The following EPB41L3 variants were observed in gnomAD, a reference collection of about 807,000 sequenced individuals.
The protein encoded by EPB41L3 is band 4.1-like protein 3.
A neutral mutation model predicts 127.1 loss-of-function variants in EPB41L3; 57 were observed. The ratio of observed to expected loss-of-function variants is 0.45; its 90% confidence interval spans 0.36 to 0.56. EPB41L3 has a LOEUF of 0.56. Among genes scored for constraint, EPB41L3 ranks in the 20% least tolerant of loss-of-function variants. EPB41L3 has a pLI of 0.00. For missense variants in EPB41L3, 1,273 were observed against 1,372.2 expected (o/e 0.93, Z 1.14); for synonymous variants, 572 against 549.5 (o/e 1.04, Z -0.57).
chr18:5,503,255 C>A (rs2091892959), intron 1 of EPB41L3, among the ~76,000 whole-genome samples: 1 of 152,098 alleles, frequency 6.6e-6, no homozygotes, highest in Non-Finnish European at 1.5e-5. Context: ...CTGAAATACA[C>A]CTAACTATTC....
At chr18:5,518,125 G>C (rs922258822) in intron 1 of EPB41L3, among the ~76,000 whole-genome samples, 2 of 152,036 alleles carry the variant, frequency 1.3e-5, no homozygotes, top group Admixed American at 1.3e-4. Flanking sequence ...CTTAATTTAA[G>C]GTCAGGTCAG....
rs141362076 is a variant in EPB41L3, at chr18:5,445,159, C to G, written c.467G>C (p.Arg156Pro). 1 of 1,613,934 alleles carries G rather than the reference C, an allele frequency of 6.2e-7. No homozygotes were observed. The highest frequency in any genetic ancestry group is 8.5e-7 in the Non-Finnish European group (1 of 1,179,914). The change falls in exon 4 of 23, where the codon CGA becomes CCA. Residue 156 changes from arginine to proline, a missense_variant. Transcript: ENST00000341928. ...ACTCACCTTCTGGTTTTCAGCATCT[C>G]GATACGTAAGCCCAAAGTAGTCTTT... ...LEKDYFGLTYRDAENQKNWLD... is the reference protein window; with the variant it reads ...LEKDYFGLTYPDAENQKNWLD...
chr18:5,542,199 A>G (rs1364674961), intron 1 of EPB41L3, among the ~76,000 whole-genome samples: 1 of 152,240 alleles, frequency 6.6e-6, no homozygotes, highest in Non-Finnish European at 1.5e-5. Flanking sequence ...CAGTCCCCAG[A>G]GTTCACTGGA....
intron 1 of EPB41L3, among the ~76,000 whole-genome samples, chr18:5,542,414 A>G (rs1047186808): frequency 8.5e-5 from 13 of 152,224 alleles, no homozygotes; most frequent in African/African-American, 3.1e-4. Flanking sequence ...TGCTACCAAG[A>G]CAAACTCCAG....
chr18:5,422,882 T>C (rs2077654785), intron 11 of EPB41L3, among the ~76,000 whole-genome samples: 1 of 152,236 alleles, frequency 6.6e-6, no homozygotes. Context: ...CTTACAACCC[T>C]GTGCTCTGTT....
chr18:5,401,157 T>C, intron 16 of EPB41L3: 1 of 500,606 alleles, frequency 2.0e-6, no homozygotes. Context: ...TCATCTCATA[T>C]ATTCTCATAA....
rs2093820553 is a variant in EPB41L3, at chr18:5,543,787, G to T, written c.-12+126C>A. Reference sequence around the variant, plus strand: ...GGGCTCGGGATTCGGGAGACCGCGCGGCGCCGAAGCCACGCGTCAGCCCCA... The same window carrying T: ...GGGCTCGGGATTCGGGAGACCGCGCTGCGCCGAAGCCACGCGTCAGCCCCA... On this transcript the variant is annotated intron_variant, in intron 1 of 22. Coordinates refer to ENST00000341928, the MANE Select transcript of EPB41L3 (RefSeq NM_012307.5). This position sits in a 1 kb window ranked among gnomAD's most constrained non-coding sequence, Gnocchi z 5.2. 1 of 767,200 alleles carries T rather than the reference G, an allele frequency of 1.3e-6. No individual in the cohort carries two copies. The highest frequency in any genetic ancestry group is 1.6e-6 in the Non-Finnish European group (1 of 631,334). The allele number at this position is 767,200 out of a possible 1,614,324, so 47.5% of individuals were successfully genotyped here. A position where few individuals can be genotyped will look rare whatever the true frequency, so the allele number is the denominator to read the frequency against.
intron 3 of EPB41L3, among the ~76,000 whole-genome samples, chr18:5,578,966 A>G (rs2094364274): frequency 6.6e-6 from 1 of 152,212 alleles, no homozygotes; most frequent in African/African-American, 2.4e-5. Context: ...ACAGTGCTGA[A>G]ACAGCTCCCT....
intron 1 of EPB41L3, among the ~76,000 whole-genome samples, chr18:5,524,761 T>C (rs963533443): frequency 3.3e-5 from 5 of 152,148 alleles, no homozygotes; most frequent in African/African-American, 1.2e-4. Context: ...ATGTTTCTAG[T>C]GGAGAATGTG....
chr18:5,561,130 A>G lies in EPB41L3; in HGVS notation c.-306+51210T>C, dbSNP rs1332386754. Among the ~76,000 whole-genome samples, 2 of 149,942 alleles carry G rather than the reference A, an allele frequency of 1.3e-5. 1 individual carries two copies. The highest frequency in any genetic ancestry group is 3.9e-4 in the East Asian group (2 of 5,094). On this transcript the variant is annotated intron_variant, in intron 3 of 21. Coordinates refer to the EPB41L3 transcript ENST00000545076. ...GTAGCTGGGACTACAGGCGCCCGCCACTACGCCCGGCTAATGTCTTGTATT... is the reference window on the plus strand; with the variant it reads ...GTAGCTGGGACTACAGGCGCCCGCCGCTACGCCCGGCTAATGTCTTGTATT...
At chr18:5,587,303 A>C (rs1274941760) in intron 3 of EPB41L3, among the ~76,000 whole-genome samples, 2 of 151,990 alleles carry the variant, frequency 1.3e-5, no homozygotes, top group Non-Finnish European at 2.9e-5. Context: ...TTTGCACGTT[A>C]GTTTTGCACA....
In EPB41L3 at chr18:5,397,298, A is replaced by G; in HGVS notation, c.2601T>C (p.Ser867=). 1.2e-6 allele frequency: 2 copies of G among 1,613,700 alleles called. No homozygotes were observed. Among genetic ancestry groups the G allele is most frequent in the African/African-American group, 1.3e-5 (1 of 74,908 alleles). Residue 867 remains serine (S), a synonymous_variant, in exon 18 of 23, where the codon AGT becomes AGC. Transcript: ENST00000341928. This position sits in a 1 kb window ranked among gnomAD's most constrained non-coding sequence, Gnocchi z 4.1. ...LVEERRVVHA[S]GDASYSAGDS... is the part of the protein sequence containing the mutation. Reference sequence around the variant, plus strand: ...CTCCCGCCGAGTAAGAAGCATCCCCACTCGCGTGCACCACACGCCGCTCCT... The same window carrying G: ...CTCCCGCCGAGTAAGAAGCATCCCCGCTCGCGTGCACCACACGCCGCTCCT...
At chr18:5,545,820 C>T (rs1218814628), upstream of EPB41L3, among the ~76,000 whole-genome samples, 2 of 151,272 alleles carry the variant, frequency 1.3e-5, no homozygotes, top group African/African-American at 4.9e-5. Flanking sequence ...GAAAGTGTTG[C>T]GTATGAGTAT....
intron 6 of EPB41L3, among the ~76,000 whole-genome samples, chr18:5,437,385 A>C (rs1461555836): frequency 1.3e-5 from 2 of 152,212 alleles, no homozygotes; most frequent in Non-Finnish European, 2.9e-5. Context: ...TCAAACTTCT[A>C]GTCTCCAGAA....
chr18:5,411,634 T>G (rs1309378157), intron 13 of EPB41L3, among the ~76,000 whole-genome samples: 1 of 152,016 alleles, frequency 6.6e-6, no homozygotes, highest in Non-Finnish European at 1.5e-5. Flanking sequence ...ATTAATAAAG[T>G]TCCCTTGATC....
rs531958274 is a variant in EPB41L3 at position 5,624,093 on chromosome 18, C to T, written c.-468+4829G>A. ...TCATAGCTCACTGCAGCCTTCAGCT[C>T]CTGGGTTCAACTGTTCCTCCTGCCT... On this transcript the variant is annotated intron_variant, in intron 1 of 21. Transcript: ENST00000545076. 5.3e-5 allele frequency among the ~76,000 whole-genome samples: 8 copies of T among 152,238 alleles called. No individual in the cohort carries two copies. The South Asian group carries it at 1.7e-3, about 32-fold the overall frequency.
chr18:5,465,301 G>A (rs1482659012), intron 3 of EPB41L3, among the ~76,000 whole-genome samples: 1 of 152,162 alleles, frequency 6.6e-6, no homozygotes, highest in Non-Finnish European at 1.5e-5. Flanking sequence ...TTAATGAGTA[G>A]CTGATGGGAA....
chr18:5,584,741 C>T (rs2094427442), intron 3 of EPB41L3, among the ~76,000 whole-genome samples: 1 of 152,190 alleles, frequency 6.6e-6, no homozygotes, highest in Non-Finnish European at 1.5e-5. Flanking sequence ...AATTTTACCA[C>T]TATAATCAAC....
intron 3 of EPB41L3, among the ~76,000 whole-genome samples, chr18:5,587,186 G>A (rs980407657): frequency 1.3e-5 from 2 of 152,124 alleles, no homozygotes; most frequent in Admixed American, 1.3e-4. Flanking sequence ...AAGAAGCAGG[G>A]AAGGGCAGAA....
Sources: gnomAD v4.1 joint callset for allele counts (sites outside exome capture counted in the v4.1 genomes callset) on GRCh38, gnomAD v4.1.1 for gene constraint, Gnocchi (gnomAD v3.1) non-coding constraint, MANE v1.5 for transcripts, NCBI Gene and HGNC (gene_info 2026-07-23, HGNC 2026-07-21) for gene names.